The following GRIA1 variants were observed in gnomAD, a reference collection of about 807,000 sequenced individuals.
GRIA1 encodes the protein glutamate ionotropic receptor AMPA type subunit 1.
Under a neutral mutation model 99.2 loss-of-function variants are expected in GRIA1, and 31 were observed. The observed-to-expected ratio is 0.31, with a 90% CI of 0.23 to 0.42. GRIA1 has a LOEUF of 0.42. Among genes scored for constraint, GRIA1 ranks in the 10% least tolerant of loss-of-function variants. GRIA1 has a pLI of 1.00. For missense variants in GRIA1, 782 were observed against 1,157.5 expected, an observed-to-expected ratio of 0.68 and a Z score of 4.71; for synonymous variants, 438 against 432.4, an observed-to-expected ratio of 1.01 and a Z score of -0.16.
chr5:153,661,542 A>T (rs1419373184), intron 5 of GRIA1, among the ~76,000 whole-genome samples: 1 of 152,092 alleles, frequency 6.6e-6, no homozygotes, highest in Non-Finnish European at 1.5e-5. Flanking sequence ...CTATTATTTC[A>T]TGTCTTCTTC....
chr5:153,593,729 G>A (rs1764181513), intron 2 of GRIA1, among the ~76,000 whole-genome samples: 1 of 152,098 alleles, frequency 6.6e-6, no homozygotes, highest in South Asian at 2.1e-4. Flanking sequence ...CTTCCTCTGG[G>A]AGCCCCATTC....
intron 2 of GRIA1, among the ~76,000 whole-genome samples, chr5:153,515,348 C>T (rs1756510679): frequency 6.6e-6 from 1 of 152,070 alleles, no homozygotes; most frequent in African/African-American, 2.4e-5. Flanking sequence ...AACTAGAGGA[C>T]ATCATGCTAA....
chr5:153,743,014 G>C (rs1761916878), intron 11 of GRIA1, among the ~76,000 whole-genome samples: 1 of 152,200 alleles, frequency 6.6e-6, no homozygotes, highest in South Asian at 2.1e-4. Context: ...TTGAAGCTTA[G>C]TGTGCTTAGG....
Position 153,533,356 on chromosome 5 carries a change from A to G in GRIA1, c.220+39291A>G, listed in dbSNP as rs184760966. ...TTCTTCGGCTAGCTCCTTCAACCCA[A>G]GTGTATCATCTAGGATGGAGGAGGC... On this transcript the variant is annotated intron_variant, in intron 2 of 15. Transcript: ENST00000285900. Among the ~76,000 whole-genome samples the G allele has an allele frequency of 5.3e-3, 800 of 152,010 alleles. 10 individuals carry two copies. The highest frequency in any genetic ancestry group is 0.019 in the African/African-American group (776 of 41,464).
chr5:153,720,725 G>A (rs1315764238), intron 11 of GRIA1, among the ~76,000 whole-genome samples: 1 of 152,120 alleles, frequency 6.6e-6, no homozygotes, highest in Non-Finnish European at 1.5e-5. Context: ...TGTGCCCATG[G>A]GTAAGTCACT....
intron 11 of GRIA1, among the ~76,000 whole-genome samples, chr5:153,732,467 G>A (rs1761102856): frequency 6.6e-6 from 1 of 152,018 alleles, no homozygotes; most frequent in Non-Finnish European, 1.5e-5. Context: ...GCTTTTCCCT[G>A]TTGACTAGTA....
intron 2 of GRIA1, among the ~76,000 whole-genome samples, chr5:153,549,537 G>T (rs2113533360): frequency 6.6e-6 from 1 of 152,180 alleles, no homozygotes; most frequent in African/African-American, 2.4e-5. Flanking sequence ...GGTGAAATTG[G>T]GTTTATTGTG....
chr5:153,746,424 T>A (rs4616951), intron 11 of GRIA1, among the ~76,000 whole-genome samples: 1 of 152,016 alleles, frequency 6.6e-6, no homozygotes, highest in Admixed American at 6.6e-5. Context: ...AAAGCAGAAG[T>A]GCATATTGTT....
At chr5:153,673,981 C>T (rs1756385998) in intron 5 of GRIA1, among the ~76,000 whole-genome samples, 1 of 152,202 alleles carries the variant, frequency 6.6e-6, no homozygotes, top group East Asian at 1.9e-4. Context: ...TGCTGGTGTC[C>T]TTGGGTAACT....
At chr5:153,668,441 T>G (rs1452732072) in intron 5 of GRIA1, among the ~76,000 whole-genome samples, 2 of 152,230 alleles carry the variant, frequency 1.3e-5, no homozygotes, top group African/African-American at 4.8e-5. Flanking sequence ...TGATATTTTA[T>G]AATATGTGGA....
At chr5:153,806,672 C>T (rs1033717764) in intron 15 of GRIA1, among the ~76,000 whole-genome samples, 3 of 151,648 alleles carry the variant, frequency 2.0e-5, no homozygotes, top group African/African-American at 4.9e-5. Flanking sequence ...GATGAAAGAA[C>T]GAGAGGAAGA....
At chr5:153,717,906 A>G (rs775115255) in intron 11 of GRIA1, among the ~76,000 whole-genome samples, 9 of 152,216 alleles carry the variant, frequency 5.9e-5, no homozygotes, top group Non-Finnish European at 1.0e-4. Flanking sequence ...GCTGTTAGAA[A>G]AATGTCTTCC....
chr5:153,696,120 CCCTGGCTCATAT>C (rs1758079237), intron 8 of GRIA1, among the ~76,000 whole-genome samples: 1 of 152,136 alleles, frequency 6.6e-6, no homozygotes. Context: ...GAGTTGGTCT[CCCTGGCTCATAT>C]CCTGGCTCCA....
intron 2 of GRIA1, among the ~76,000 whole-genome samples, chr5:153,554,757 G>A (rs768444373): frequency 1.3e-5 from 2 of 152,174 alleles, no homozygotes; most frequent in Non-Finnish European, 2.9e-5. Flanking sequence ...GCCTCCCAAA[G>A]TGCTGGAATT....
At chr5:153,756,912 C>A (rs1327523853) in intron 11 of GRIA1, among the ~76,000 whole-genome samples, 1 of 152,178 alleles carries the variant, frequency 6.6e-6, no homozygotes, top group African/African-American at 2.4e-5. Flanking sequence ...GATTGACATA[C>A]ATCCACAAGC....
chr5:153,706,083 T>C lies in GRIA1; in HGVS notation c.1823+16T>C. 1 of 1,612,088 alleles carries C rather than the reference T, an allele frequency of 6.2e-7. No homozygotes were observed. Among genetic ancestry groups the C allele is most frequent in the South Asian group, 1.1e-5 (1 of 90,872 alleles). On this transcript the variant is annotated intron_variant, in intron 11 of 15. Coordinates refer to ENST00000285900, the MANE Select transcript of GRIA1 (RefSeq NM_000827.4). Reference sequence around the variant, plus strand: ...TTTCTCCCAGGTCAGTCAGCTCTTCTCAATCCCTTTGCCTAATGCTATGGT... The same window carrying C: ...TTTCTCCCAGGTCAGTCAGCTCTTCCCAATCCCTTTGCCTAATGCTATGGT...
At chr5:153,572,714 G>A (rs1762218691) in intron 2 of GRIA1, among the ~76,000 whole-genome samples, 1 of 152,194 alleles carries the variant, frequency 6.6e-6, no homozygotes, top group Non-Finnish European at 1.5e-5. Flanking sequence ...GAAGGAGGAT[G>A]ATTGTGAGAT....
intron 11 of GRIA1, among the ~76,000 whole-genome samples, chr5:153,725,995 G>C (rs1760497020): frequency 6.8e-6 from 1 of 146,180 alleles, no homozygotes; most frequent in African/African-American, 2.5e-5. Flanking sequence ...TGGAAGTAAA[G>C]CTCTCCTCAG....
At chr5:153,646,780 A>T in intron 2 of GRIA1, 148 bp from the exon 3 acceptor site, 1 of 800,470 alleles carries the variant, frequency 1.2e-6, no homozygotes. Context: ...GAATGGATGG[A>T]TTGGTTTGTT....
Sources: gnomAD v4.1 joint callset for allele counts (sites outside exome capture counted in the v4.1 genomes callset) on GRCh38, gnomAD v4.1.1 for gene constraint, MANE v1.5 for transcripts, NCBI Gene and HGNC (gene_info 2026-07-23, HGNC 2026-07-21) for gene names.